The following GET1 variants were observed in gnomAD, a reference collection of about 807,000 sequenced individuals.
The protein encoded by GET1 is congenital heart disease 5 protein.
GET1 carries 20 observed loss-of-function variants against 22.6 expected under a neutral mutation model. That is an observed-to-expected ratio of 0.89 (90% confidence interval 0.62 to 1.29). The LOEUF (loss-of-function observed/expected upper bound fraction) is 1.29, where lower values mean the gene tolerates loss of function less well. Among genes scored for constraint, GET1 ranks in the 50% most tolerant of loss-of-function variants. The pLI is 0.00. For missense variants in GET1, 209 were observed against 219.9 expected (o/e 0.95, Z 0.31); for synonymous variants, 92 against 83.8 (o/e 1.10, Z -0.53).
intron 1 of GET1, among the ~76,000 whole-genome samples, chr21:39,423,774 C>T (rs994357601): frequency 6.6e-6 from 1 of 152,094 alleles, no homozygotes; most frequent in South Asian, 2.1e-4. Flanking sequence ...TACATAGCCA[C>T]GAAGTGACAC....
chr21:39,424,925 A>G (rs2074393982), intron 1 of GET1, among the ~76,000 whole-genome samples: 1 of 152,250 alleles, frequency 6.6e-6, no homozygotes, highest in East Asian at 1.9e-4. Flanking sequence ...AGATAAACAC[A>G]TGGAAGCTTG....
chr21:39,424,244 C>A (rs1007600102), intron 1 of GET1, among the ~76,000 whole-genome samples: 2 of 152,038 alleles, frequency 1.3e-5, no homozygotes, highest in African/African-American at 4.8e-5. Flanking sequence ...AACTCCTGAC[C>A]CTCAAGTGAT....
chr21:39,380,357 G>C lies in GET1; in HGVS notation c.-28G>C, dbSNP rs1265537209. The stretch of plus-strand genomic sequence containing the variant: ...GTGGTCCCCATGGAGCTGCCGTAGC[G>C]GACCCAGCACAGCCAGGAGCGTCCG... On this transcript the variant is annotated 5_prime_UTR_variant, in exon 1 of 5. Transcript: ENST00000649170. 6 of 1,578,054 alleles carry C rather than the reference G, an allele frequency of 3.8e-6. No individual in the cohort carries two copies. The highest frequency in any genetic ancestry group is 1.8e-5 in the Admixed American group (1 of 55,654).
intron 1 of GET1, among the ~76,000 whole-genome samples, chr21:39,419,684 A>T (rs73365952): frequency 0.23 from 35,599 of 151,972 alleles, 4,758 homozygotes; most frequent in African/African-American, 0.37. Flanking sequence ...GAATGGGATT[A>T]GTGCCCTTGT....
chr21:39,400,003 T>C (rs922554748), downstream of GET1, among the ~76,000 whole-genome samples: 7 of 151,900 alleles, frequency 4.6e-5, no homozygotes, highest in African/African-American at 1.7e-4. Flanking sequence ...ATTACAGGTG[T>C]GAGCCACCAT....
chr21:39,382,807 G>C (rs892277445), intron 1 of GET1, among the ~76,000 whole-genome samples: 5 of 152,116 alleles, frequency 3.3e-5, no homozygotes, highest in Admixed American at 6.5e-5. Flanking sequence ...ATTCTATGTT[G>C]AATTTTTTTG....
intron 1 of GET1, among the ~76,000 whole-genome samples, chr21:39,389,790 G>T (rs2038173944): frequency 6.6e-6 from 1 of 152,138 alleles, no homozygotes; most frequent in African/African-American, 2.4e-5. Context: ...TCTGCCCTGG[G>T]CCCCTGCCTC....
At chr21:39,394,673 G>T (rs535670047) in intron 4 of GET1, among the ~76,000 whole-genome samples, 1 of 152,222 alleles carries the variant, frequency 6.6e-6, no homozygotes, top group South Asian at 2.1e-4. Flanking sequence ...TTGCATGGTG[G>T]AAGGACAAGC....
At chr21:39,402,332 T>A (rs1047045107), downstream of GET1, among the ~76,000 whole-genome samples, 5 of 152,190 alleles carry the variant, frequency 3.3e-5, no homozygotes, top group Admixed American at 3.3e-4. Context: ...CTCGAACTCC[T>A]GGCCTCAAGT....
chr21:39,390,165 T>C (rs1345999650), intron 1 of GET1, among the ~76,000 whole-genome samples: 1 of 148,886 alleles, frequency 6.7e-6, no homozygotes, highest in African/African-American at 2.5e-5. Flanking sequence ...TGGAGGAAGG[T>C]GTACCGGTTC....
chr21:39,397,751 C>CT lies in GET1; in HGVS notation c.*818dup, dbSNP rs1319406474. 6.6e-6 allele frequency: 1 copy of CT among 152,158 alleles called. No homozygotes were observed. Among genetic ancestry groups the CT allele is most frequent in the Non-Finnish European group, 1.5e-5 (1 of 68,042 alleles). 9.4% of individuals were successfully genotyped at this position (152,158 alleles called of 1,614,324 possible). A position where few individuals can be genotyped will look rare whatever the true frequency, so the allele number is the denominator to read the frequency against. On this transcript the variant is annotated 3_prime_UTR_variant, in exon 5 of 5. Coordinates refer to ENST00000649170, the MANE Select transcript of GET1 (RefSeq NM_004627.6). ...ATTCTATTAAATGTTCCTTAAAACA[C>CT]TTTTTTCTAATTAAAATCTTTGCAA...
At chr21:39,408,978 T>C (rs1027410349), downstream of GET1, among the ~76,000 whole-genome samples, 2 of 152,236 alleles carry the variant, frequency 1.3e-5, no homozygotes, top group African/African-American at 4.8e-5. Context: ...AAGGATACTA[T>C]TATGAAATGA....
At chr21:39,426,347 A>G (rs951986436) in intron 1 of GET1, among the ~76,000 whole-genome samples, 7 of 152,224 alleles carry the variant, frequency 4.6e-5, no homozygotes, top group Non-Finnish European at 8.8e-5. Context: ...TTAGAATTCG[A>G]AATGCAATTT....
downstream of GET1, among the ~76,000 whole-genome samples, chr21:39,401,621 G>A (rs1414256754): frequency 6.6e-6 from 1 of 152,024 alleles, no homozygotes. Context: ...AGACATGTCT[G>A]TTTTTTTGCG....
intron 1 of GET1, among the ~76,000 whole-genome samples, chr21:39,421,062 C>T (rs1601818719): frequency 6.6e-6 from 1 of 151,794 alleles, no homozygotes; most frequent in African/African-American, 2.4e-5. Context: ...ACGTTTGGAG[C>T]CTGTTTTTTA....
At chr21:39,423,117 G>C in intron 1 of GET1, 1 of 1,613,970 alleles carries the variant, frequency 6.2e-7, no homozygotes, top group Admixed American at 1.7e-5. Context: ...GTAACTGGCT[G>C]TCAGTTTCTC....
rs1385840175 is a variant in GET1, at chr21:39,393,384, A to G, written c.451+104A>G. On this transcript the variant is annotated intron_variant, in intron 4 of 4. Transcript: ENST00000649170. ...CTGACATCCTCCTCACCGTCCATTT[A>G]GTGAGCGGGGTTTTGTGTCTCAGCC... The G allele has an allele frequency of 8.7e-6, 8 of 920,662 alleles. No individual in the cohort carries two copies. In the East Asian group the frequency reaches 2.1e-4, roughly 24 times the overall value. 57.0% of individuals were successfully genotyped at this position (920,662 alleles called of 1,614,324 possible).
intron 3 of GET1, among the ~76,000 whole-genome samples, chr21:39,392,390 C>T (rs2038361094): frequency 2.0e-5 from 3 of 152,038 alleles, no homozygotes; most frequent in Admixed American, 1.3e-4. Context: ...CGTAAATATC[C>T]GAGTTGCAGT....
At chr21:39,410,298 G>A (rs1340155952), downstream of GET1, 1 of 1,609,602 alleles carries the variant, frequency 6.2e-7, no homozygotes. Flanking sequence ...TGATTTTTGG[G>A]TTCCCTGGTG....
Sources: allele counts gnomAD v4.1 joint callset (sites outside exome capture counted in the v4.1 genomes callset), GRCh38; gene constraint gnomAD v4.1.1; transcripts MANE v1.5; gene names NCBI Gene and HGNC (gene_info 2026-07-23, HGNC 2026-07-21).